C14orf39: variants seen among roughly 807,000 people sequenced by gnomAD.
C14orf39 encodes chromosome 14 open reading frame 39, also known as protein SIX6OS1.
A neutral mutation model predicts 85.6 loss-of-function variants in C14orf39; 66 were observed. The observed-to-expected ratio is 0.77, with a 90% CI of 0.63 to 0.95. C14orf39 has a LOEUF of 0.95. Among genes scored for constraint, C14orf39 ranks in the 40% least tolerant of loss-of-function variants. The pLI is 0.00. For synonymous variants in C14orf39, 242 were observed against 214.0 expected (o/e 1.13, Z -1.14); for missense variants, 735 against 663.9 (o/e 1.11, Z -1.18).
intron 15 of C14orf39, 71 bp from the exon 16 acceptor site, chr14:60,455,216 G>T: frequency 9.1e-7 from 1 of 1,104,694 alleles, no homozygotes; most frequent in Non-Finnish European, 1.3e-6. Context: ...AGCATCATAA[G>T]CAACAGCATA....
At chr14:60,480,691 T>C (rs1892598950) in intron 4 of C14orf39, among the ~76,000 whole-genome samples, 1 of 152,146 alleles carries the variant, frequency 6.6e-6, no homozygotes, top group African/African-American at 2.4e-5. Flanking sequence ...TATCAAGGTA[T>C]GGAAGCAACC....
rs763827125 is a variant in C14orf39, at chr14:60,455,071, T to A, written c.1433A>T (p.Tyr478Phe). 6.3e-7 allele frequency: 1 copy of A among 1,580,164 alleles called. No individual in the cohort carries two copies. The highest frequency in any genetic ancestry group is 8.6e-7 in the Non-Finnish European group (1 of 1,166,992). Reference protein sequence around the residue: ...ESPGLSFLMSYTSRSPGLNLF... With the variant: ...ESPGLSFLMSFTSRSPGLNLF... ...ATTCAATCCAGGTGATCTAGAAGTA[T>A]AACTCATAAGAAAAGAAAGTCCAGG... The change falls in exon 16 of 18, where the codon TAT (tyrosine) becomes TTT (phenylalanine). Residue 478 changes from tyrosine to phenylalanine, a missense_variant. Coordinates refer to ENST00000321731, the MANE Select transcript of C14orf39 (RefSeq NM_174978.3).
chr14:60,506,090 C>G (rs1893200020), intron 1 of C14orf39, among the ~76,000 whole-genome samples: 2 of 152,158 alleles, frequency 1.3e-5, no homozygotes, highest in South Asian at 4.1e-4. Context: ...CAAAATGCAA[C>G]TCTAGAGAAA....
intron 13 of C14orf39, among the ~76,000 whole-genome samples, chr14:60,459,741 T>C (rs1288822972): frequency 6.6e-6 from 1 of 151,800 alleles, no homozygotes; most frequent in Non-Finnish European, 1.5e-5. Flanking sequence ...CATATGTTTA[T>C]CTGCCACAAA....
intron 1 of C14orf39, among the ~76,000 whole-genome samples, chr14:60,485,374 G>T (rs1892835361): frequency 6.6e-6 from 1 of 152,230 alleles, no homozygotes; most frequent in African/African-American, 2.4e-5. Flanking sequence ...ATTGCAACAA[G>T]CATCCGGATC....
intron 16 of C14orf39, among the ~76,000 whole-genome samples, chr14:60,448,933 A>G (rs1162757688): frequency 6.6e-6 from 1 of 152,170 alleles, no homozygotes; most frequent in Non-Finnish European, 1.5e-5. Flanking sequence ...AACTATCACA[A>G]GGACAGAAAA....
Position 60,466,711 on chromosome 14 carries a change from A to G in C14orf39, c.895+206T>C, listed in dbSNP as rs536920947. Reference sequence around the variant, plus strand: ...TTTTTTTGAAATTTATTGTGTGAATAATTCCTTTCTCAAAGAGAAAAAAGT... The same window carrying G: ...TTTTTTTGAAATTTATTGTGTGAATGATTCCTTTCTCAAAGAGAAAAAAGT... On this transcript the variant is annotated intron_variant, in intron 10 of 17. Coordinates refer to ENST00000321731, the MANE Select transcript of C14orf39 (RefSeq NM_174978.3). 4.7e-4 allele frequency among the ~76,000 whole-genome samples: 71 copies of G among 152,002 alleles called. 1 individual carries two copies. The Middle Eastern group carries it at 0.02, about 44-fold the overall frequency.
chr14:60,466,155 T>C (rs1189401957), intron 10 of C14orf39, 100 bp from the exon 11 acceptor site: 1 of 476,522 alleles, frequency 2.1e-6, no homozygotes, highest in East Asian at 3.6e-5. Flanking sequence ...AAATCAAGTC[T>C]ACATGAATTT....
intron 5 of C14orf39, among the ~76,000 whole-genome samples, chr14:60,476,577 A>T (rs146055235): frequency 6.6e-6 from 1 of 152,358 alleles, no homozygotes; most frequent in East Asian, 1.9e-4. Context: ...AACTGTTTTC[A>T]CTTTAATACC....
At chr14:60,486,787 T>C (rs1238970981), upstream of C14orf39, among the ~76,000 whole-genome samples, 1 of 152,236 alleles carries the variant, frequency 6.6e-6, no homozygotes, top group Non-Finnish European at 1.5e-5. Context: ...AAAGAAGGTT[T>C]CAGAAGTTTT....
chr14:60,503,175 C>T (rs1893166807), intron 1 of C14orf39, among the ~76,000 whole-genome samples: 1 of 152,170 alleles, frequency 6.6e-6, no homozygotes, highest in African/African-American at 2.4e-5. Context: ...TGTGCTGACT[C>T]AGAGAAGGGT....
intron 16 of C14orf39, among the ~76,000 whole-genome samples, chr14:60,446,767 T>C (rs1042599820): frequency 2.0e-5 from 3 of 152,208 alleles, no homozygotes; most frequent in Non-Finnish European, 4.4e-5. Flanking sequence ...TTTAGACCAA[T>C]ATCCCTGATG....
intron 7 of C14orf39, among the ~76,000 whole-genome samples, chr14:60,470,773 G>A (rs1010316329): frequency 6.6e-5 from 10 of 151,954 alleles, no homozygotes; most frequent in African/African-American, 2.4e-4. Context: ...TGGGGATAAA[G>A]AAGACTTAGT....
At position 60,491,455 on chromosome 14, in the gene C14orf39, A is replaced by ATGTATTTCCC. The variant is rs1892987189; in HGVS notation, c.-8-6370_-8-6369insGGGAAATACA. Among the ~76,000 whole-genome samples the ATGTATTTCCC allele has an allele frequency of 6.6e-6, 1 of 152,172 alleles. No homozygotes were observed. Among genetic ancestry groups the ATGTATTTCCC allele is most frequent in the Non-Finnish European group, 1.5e-5 (1 of 68,034 alleles). On this transcript the variant is annotated intron_variant, in intron 2 of 5. Transcript: ENST00000556799. The surrounding 1 kb of genome is among the most constrained non-coding windows in gnomAD (Gnocchi z 4.5). ...ATTGTGGAGGGACACAAACATTCAA[A>ATGTATTTCCC]CCACAGCACAAGCTCAAACACAGCT... is the stretch of plus-strand genomic sequence containing the variant.
chr14:60,469,893 G>A (rs1266222233), intron 7 of C14orf39, among the ~76,000 whole-genome samples: 1 of 130,460 alleles, frequency 7.7e-6, no homozygotes, highest in African/African-American at 2.8e-5. Context: ...CAAAATATTT[G>A]TTAGGATTAT....
intron 2 of C14orf39, among the ~76,000 whole-genome samples, chr14:60,497,056 C>T (rs1336723274): frequency 3.3e-5 from 5 of 152,190 alleles, no homozygotes; most frequent in Non-Finnish European, 4.4e-5. Flanking sequence ...CCTATCTCTC[C>T]ATCTTCATAT....
At chr14:60,472,854 G>A (rs896535726) in intron 5 of C14orf39, among the ~76,000 whole-genome samples, 54 of 152,156 alleles carry the variant, frequency 3.5e-4, no homozygotes, top group Admixed American at 6.5e-4. Context: ...GAATAGTGCC[G>A]CAATAAACAT....
chr14:60,456,891 A>C, intron 15 of C14orf39, 26 bp downstream of exon 15: 1 of 1,511,626 alleles, frequency 6.6e-7, no homozygotes, highest in Non-Finnish European at 8.9e-7. Flanking sequence ...AAATAATTTA[A>C]CAATAGTTAT....
At chr14:60,495,163 C>T (rs993376644) in intron 2 of C14orf39, 6 of 198,110 alleles carry the variant, frequency 3.0e-5, no homozygotes, top group South Asian at 9.4e-5. Context: ...AGTGTGGGCA[C>T]GGTAATGCAT....
Sources: allele counts gnomAD v4.1 joint callset (sites outside exome capture counted in the v4.1 genomes callset), GRCh38; gene constraint gnomAD v4.1.1; non-coding constraint Gnocchi (gnomAD v3.1); transcripts MANE v1.5; gene names NCBI Gene and HGNC (gene_info 2026-07-23, HGNC 2026-07-21).